BMPR2: variants seen among roughly 807,000 people sequenced by gnomAD.
BMPR2 encodes bone morphogenetic protein receptor type-2.
A neutral mutation model predicts 100.8 loss-of-function variants in BMPR2; 29 were observed. That is an observed-to-expected ratio of 0.29 (90% confidence interval 0.21 to 0.39). The LOEUF (loss-of-function observed/expected upper bound fraction) is 0.39, where lower values mean the gene tolerates loss of function less well. Ranked by LOEUF, BMPR2 falls within the 10% of genes least tolerant of loss-of-function variation. The pLI is 1.00. For synonymous variants in BMPR2, 382 were observed against 442.3 expected, an observed-to-expected ratio of 0.86 and a Z score of 1.71; for missense variants, 1,011 against 1,274.5, an observed-to-expected ratio of 0.79 and a Z score of 3.15.
Position 202,503,960 on chromosome 2 carries a change from T to G in BMPR2, c.419-9759T>G, listed in dbSNP as rs1574481736. On this transcript the variant is annotated intron_variant, in intron 3 of 12. Transcript: ENST00000374580. The surrounding 1 kb of genome is among the most constrained non-coding windows in gnomAD (Gnocchi z 4.0). ...TCAGCACCCTGTGTCTAGCTCAGGGTTTGTGAATGCACCAGTAGACACTCT... is the reference window on the plus strand; with the variant it reads ...TCAGCACCCTGTGTCTAGCTCAGGGGTTGTGAATGCACCAGTAGACACTCT... 6.6e-6 allele frequency among the ~76,000 whole-genome samples: 1 copy of G among 151,824 alleles called. No homozygotes were observed. Among genetic ancestry groups the G allele is most frequent in the South Asian group, 2.1e-4 (1 of 4,802 alleles).
intron 1 of BMPR2, among the ~76,000 whole-genome samples, chr2:202,410,494 T>C (rs1001191223): frequency 6.6e-6 from 1 of 152,148 alleles, no homozygotes; most frequent in African/African-American, 2.4e-5. Flanking sequence ...TAAATAATCA[T>C]AGTATTGGAT....
chr2:202,393,931 G>GAGAGAT (rs1367568037), intron 1 of BMPR2, among the ~76,000 whole-genome samples: 3 of 123,768 alleles, frequency 2.4e-5, no homozygotes, highest in South Asian at 2.5e-4. Context: ...GAGAGAGAGA[G>GAGAGAT]AGATTCCTGT....
intron 1 of BMPR2, among the ~76,000 whole-genome samples, chr2:202,412,416 T>G (rs1691031841): frequency 6.6e-6 from 1 of 152,132 alleles, no homozygotes; most frequent in African/African-American, 2.4e-5. Flanking sequence ...CCTTCTGGAT[T>G]CACGCCATTC....
rs1691965888 is a variant in BMPR2 at position 202,450,910 on chromosome 2, A to G, written c.77-13899A>G. Among the ~76,000 whole-genome samples, 4 of 152,228 alleles carry G rather than the reference A, an allele frequency of 2.6e-5. No individual in the cohort carries two copies. The South Asian group carries it at 6.2e-4, about 24-fold the overall frequency. Reference sequence around the variant, plus strand: ...TGTCTTGAGAAGTTTGTGTTCTGGGAAAGGAATACTGTTGCTTCAGCTATT... The same window carrying G: ...TGTCTTGAGAAGTTTGTGTTCTGGGGAAGGAATACTGTTGCTTCAGCTATT... On this transcript the variant is annotated intron_variant, in intron 1 of 12. Coordinates refer to ENST00000374580, the MANE Select transcript of BMPR2 (RefSeq NM_001204.7).
chr2:202,494,966 A>C (rs946643773), intron 3 of BMPR2, among the ~76,000 whole-genome samples: 1 of 152,160 alleles, frequency 6.6e-6, no homozygotes, highest in Non-Finnish European at 1.5e-5. Flanking sequence ...GGTGTGGCTC[A>C]CTTCTTAAGT....
chr2:202,494,857 G>A (rs1400813301), intron 3 of BMPR2, among the ~76,000 whole-genome samples: 1 of 152,192 alleles, frequency 6.6e-6, no homozygotes, highest in African/African-American at 2.4e-5. Context: ...TAGACCATGT[G>A]ACAGAGGCTT....
chr2:202,556,416 A>G lies in BMPR2; in HGVS notation c.2751A>G (p.Ala917=), dbSNP rs1688573029. The G allele has an allele frequency of 6.2e-7, 1 of 1,614,066 alleles. No homozygotes were observed. The highest frequency in any genetic ancestry group is 1.1e-5 in the South Asian group (1 of 91,084). Residue 917 remains alanine (A), a synonymous_variant, in exon 12 of 13, where the codon GCA becomes GCG. Transcript: ENST00000374580. ...CATGTTCAGAACAAGATGTTCTTGCACAGGGTGTTCCAAGCACAGCAGCAG... is the reference window on the plus strand; with the variant it reads ...CATGTTCAGAACAAGATGTTCTTGCGCAGGGTGTTCCAAGCACAGCAGCAG... ...SNPCSEQDVL[A]QGVPSTAADP...
intron 2 of BMPR2, 80 bp from the exon 3 acceptor site, chr2:202,467,439 A>G: frequency 8.1e-7 from 1 of 1,236,246 alleles, no homozygotes; most frequent in Non-Finnish European, 1.2e-6. Flanking sequence ...CATTTATTGA[A>G]ATTACTGCTT....
At chr2:202,483,697 C>T (rs1692710075) in intron 3 of BMPR2, among the ~76,000 whole-genome samples, 1 of 152,160 alleles carries the variant, frequency 6.6e-6, no homozygotes, top group African/African-American at 2.4e-5. Flanking sequence ...GCCACCACGC[C>T]CAGCCCAAAG....
chr2:202,472,726 T>G (rs948989061), intron 3 of BMPR2, among the ~76,000 whole-genome samples: 1 of 152,228 alleles, frequency 6.6e-6, no homozygotes, highest in African/African-American at 2.4e-5. Flanking sequence ...CTGCCTTACA[T>G]TTCAGATTGT....
Position 202,456,163 on chromosome 2 carries a change from TG to T in BMPR2, c.77-8645del, listed in dbSNP as rs201831701. On this transcript the variant is annotated intron_variant, in intron 1 of 12. Coordinates refer to ENST00000374580, the MANE Select transcript of BMPR2 (RefSeq NM_001204.7). ...CATCACAAAGGACACTATGTTTTTT[TG>T]TTTGTTTGTTTGTTTTTGTTTTTTT... is the stretch of plus-strand genomic sequence containing the variant. Among the ~76,000 whole-genome samples the T allele has an allele frequency of 5.9e-3, 879 of 150,010 alleles. 13 individuals are homozygous for T. The highest frequency in any genetic ancestry group is 0.02 in the African/African-American group (818 of 40,154).
At chr2:202,398,919 G>T (rs541829708) in intron 1 of BMPR2, among the ~76,000 whole-genome samples, 1 of 152,150 alleles carries the variant, frequency 6.6e-6, no homozygotes, top group South Asian at 2.1e-4. Flanking sequence ...ACCTGAAGTT[G>T]GGAGTTCGAG....
At chr2:202,523,759 G>A (rs1433174279) in intron 7 of BMPR2, among the ~76,000 whole-genome samples, 6 of 152,006 alleles carry the variant, frequency 3.9e-5, no homozygotes, top group South Asian at 2.1e-4. Context: ...AGCCAAGATC[G>A]TGCCATTGCA....
At chr2:202,519,316 T>C (rs545279236) in intron 6 of BMPR2, among the ~76,000 whole-genome samples, 10 of 152,280 alleles carry the variant, frequency 6.6e-5, no homozygotes, top group African/African-American at 2.4e-4. Context: ...GGAGCCGAGA[T>C]TGTACAGCCG....
chr2:202,464,912 C>T lies in BMPR2; in HGVS notation c.180C>T (p.Cys60=), dbSNP rs2105959771. The change falls in exon 2 of 13, where the codon TGC becomes TGT. Residue 60 remains cysteine, a synonymous_variant. Coordinates refer to ENST00000374580, the MANE Select transcript of BMPR2 (RefSeq NM_001204.7). The part of the protein sequence containing the change: ...RISHENGTIL[C]SKGSTCYGLW... ...CTCATGAAAATGGGACAATATTATG[C>T]TCGAAAGGTAGCACCTGCTATGGCC... The T allele has an allele frequency of 1.2e-6, 2 of 1,614,020 alleles. No homozygotes were observed. Among genetic ancestry groups the T allele is most frequent in the Non-Finnish European group, 1.7e-6 (2 of 1,180,008 alleles).
At chr2:202,379,006 A>C (rs1690215740) in intron 1 of BMPR2, among the ~76,000 whole-genome samples, 1 of 152,240 alleles carries the variant, frequency 6.6e-6, no homozygotes. Context: ...AAGTAAGAGA[A>C]AAAGCATTTA....
At chr2:202,448,924 GGTGTGTGTGTGT>G (rs55680029) in intron 1 of BMPR2, among the ~76,000 whole-genome samples, 17 of 142,924 alleles carry the variant, frequency 1.2e-4, no homozygotes, top group East Asian at 1.1e-3. Context: ...GTTTAGAATT[GGTGTGTGTGTGT>G]GTGTGTGTGT....
Position 202,532,908 on chromosome 2 carries a change from A to C in BMPR2, c.1276+176A>C, listed in dbSNP as rs554221624. Reference sequence around the variant, plus strand: ...TATTAGCAGCAGGATGCAAATTAGGAATTTTTTTTTTTAGAGTACTCCAGG... The same window carrying C: ...TATTAGCAGCAGGATGCAAATTAGGCATTTTTTTTTTTAGAGTACTCCAGG... On this transcript the variant is annotated intron_variant, in intron 9 of 12. Coordinates refer to ENST00000374580, the MANE Select transcript of BMPR2 (RefSeq NM_001204.7). This position sits in a 1 kb window ranked among gnomAD's most constrained non-coding sequence, Gnocchi z 4.1. 2.2e-4 allele frequency among the ~76,000 whole-genome samples: 34 copies of C among 152,124 alleles called. 1 individual carries two copies. The East Asian group carries it at 5.8e-3, about 26-fold the overall frequency.
rs78779412 is a variant in BMPR2, at chr2:202,515,016, C to T, written c.621+37C>T. On this transcript the variant is annotated intron_variant, in intron 5 of 12. Coordinates refer to ENST00000374580, the MANE Select transcript of BMPR2 (RefSeq NM_001204.7). Reference sequence around the variant, plus strand: ...GTTAGATTATGGACTGTTGTTTCTACTGTGATACTAGACCTGGAACAGTGA... The same window carrying T: ...GTTAGATTATGGACTGTTGTTTCTATTGTGATACTAGACCTGGAACAGTGA... The T allele has an allele frequency of 1.2e-4, 182 of 1,530,422 alleles. No homozygotes were observed. In the East Asian group the frequency reaches 3.8e-3, roughly 32 times the overall value. The allele number at this position is 1,530,422 out of a possible 1,614,324, so 94.8% of individuals were successfully genotyped here. A position where few individuals can be genotyped will look rare whatever the true frequency, so the allele number is the denominator to read the frequency against.
Sources: allele counts gnomAD v4.1 joint callset (sites outside exome capture counted in the v4.1 genomes callset), GRCh38; gene constraint gnomAD v4.1.1; non-coding constraint Gnocchi (gnomAD v3.1); transcripts MANE v1.5; gene names NCBI Gene and HGNC (gene_info 2026-07-23, HGNC 2026-07-21).